Variants in PRKD1 observed in about 807,000 individuals in gnomAD.
PRKD1 encodes protein kinase D1.
A neutral mutation model predicts 95.9 loss-of-function variants in PRKD1; 63 were observed. The ratio of observed to expected loss-of-function variants is 0.66; its 90% CI spans 0.54 to 0.81. The LOEUF is 0.81. Among genes scored for constraint, PRKD1 ranks in the 30% least tolerant of loss-of-function variants. The pLI is 0.00. For synonymous variants in PRKD1, 425 were observed against 423.1 expected, an observed-to-expected ratio of 1.00 and a Z score of -0.05; for missense variants, 1,048 against 1,165.3, an observed-to-expected ratio of 0.90 and a Z score of 1.47.
At chr14:29,793,302 A>T (rs546431509) in intron 1 of PRKD1, among the ~76,000 whole-genome samples, 1 of 152,168 alleles carries the variant, frequency 6.6e-6, no homozygotes, top group Admixed American at 6.5e-5. Flanking sequence ...TGTCCACAGG[A>T]AAAAACAAAA....
chr14:29,883,800 G>C (rs975025779), intron 1 of PRKD1, among the ~76,000 whole-genome samples: 2 of 152,156 alleles, frequency 1.3e-5, no homozygotes, highest in African/African-American at 4.8e-5. Context: ...GTAAAAATGA[G>C]TAAAACGAGA....
intron 1 of PRKD1, among the ~76,000 whole-genome samples, chr14:29,861,434 T>C (rs1240244210): frequency 6.6e-6 from 1 of 152,198 alleles, no homozygotes; most frequent in Non-Finnish European, 1.5e-5. Context: ...TGTGCATATG[T>C]AGTAGATGTA....
chr14:29,927,163 C>T (rs1895332259), intron 1 of PRKD1, 86 bp downstream of exon 1: 4 of 1,302,342 alleles, frequency 3.1e-6, no homozygotes, highest in South Asian at 4.3e-5. Context: ...CCCCGGGAGC[C>T]GGAAAGTTGG....
intron 1 of PRKD1, among the ~76,000 whole-genome samples, chr14:29,842,924 T>C (rs564227665): frequency 6.6e-6 from 1 of 152,162 alleles, no homozygotes; most frequent in Non-Finnish European, 1.5e-5. Context: ...CAAAAGGTCA[T>C]GAAAAAGACA....
At chr14:29,849,076 T>A (rs1049832643) in intron 1 of PRKD1, among the ~76,000 whole-genome samples, 1 of 152,156 alleles carries the variant, frequency 6.6e-6, no homozygotes, top group African/African-American at 2.4e-5. Context: ...CCCACCAAAA[T>A]CTCATGTCAA....
At chr14:29,881,098 G>A (rs1893494852) in intron 1 of PRKD1, among the ~76,000 whole-genome samples, 1 of 152,188 alleles carries the variant, frequency 6.6e-6, no homozygotes, top group Admixed American at 6.5e-5. Flanking sequence ...GTGAGGACAT[G>A]AGATTTGGAG....
intron 1 of PRKD1, among the ~76,000 whole-genome samples, chr14:29,904,861 T>A (rs1320046940): frequency 1.3e-5 from 2 of 152,176 alleles, no homozygotes; most frequent in Admixed American, 1.3e-4. Flanking sequence ...ATCCTAACAC[T>A]CCTATTGTAA....
chr14:29,768,275 C>T (rs1888342461), intron 1 of PRKD1, among the ~76,000 whole-genome samples: 1 of 152,196 alleles, frequency 6.6e-6, no homozygotes. Flanking sequence ...ATTCACCAAA[C>T]ACATAAAGTT....
At chr14:29,741,673 A>G (rs900300998) in intron 1 of PRKD1, among the ~76,000 whole-genome samples, 2 of 152,046 alleles carry the variant, frequency 1.3e-5, no homozygotes, top group Admixed American at 1.3e-4. Context: ...CTTGCCTTCT[A>G]TAACTTCAAT....
intron 1 of PRKD1, among the ~76,000 whole-genome samples, chr14:29,878,404 T>C (rs945742627): frequency 2.0e-5 from 3 of 149,416 alleles, no homozygotes; most frequent in African/African-American, 7.4e-5. Flanking sequence ...ATTCCACTCT[T>C]AGGTATATAC....
At chr14:29,861,055 TA>T (rs1422339858) in intron 1 of PRKD1, among the ~76,000 whole-genome samples, 4 of 152,342 alleles carry the variant, frequency 2.6e-5, no homozygotes, top group Non-Finnish European at 5.9e-5. Context: ...ATATTTGTAT[TA>T]AAAATTATTT....
intron 2 of PRKD1, among the ~76,000 whole-genome samples, chr14:29,669,059 C>T (rs934506047): frequency 2.0e-5 from 3 of 152,050 alleles, no homozygotes; most frequent in African/African-American, 7.3e-5. Flanking sequence ...TTTTATGTAT[C>T]ACTGAAAAAT....
In PRKD1 at chr14:29,673,393, T is replaced by C. The variant is rs116907484; in HGVS notation, c.404-7185A>G. Among the ~76,000 whole-genome samples the C allele has an allele frequency of 1.5e-3, 221 of 152,338 alleles. 1 individual carries two copies. The highest frequency in any genetic ancestry group is 2.5e-3 in the Non-Finnish European group (169 of 68,034). On this transcript the variant is annotated intron_variant, in intron 2 of 17. Coordinates refer to ENST00000331968, the MANE Select transcript of PRKD1 (RefSeq NM_002742.3). ...CGTCTTTCACGTCAATCCCTCCTTC[T>C]GTTTTGCATACATACTTCTCAGGCA... is the stretch of plus-strand genomic sequence containing the variant.
At chr14:29,879,736 GAT>G (rs1190644352) in intron 1 of PRKD1, among the ~76,000 whole-genome samples, 1 of 152,162 alleles carries the variant, frequency 6.6e-6, no homozygotes, top group Non-Finnish European at 1.5e-5. Flanking sequence ...CACTGATAGT[GAT>G]AGGAACAATA....
At position 29,663,550 on chromosome 14, in the gene PRKD1, A is replaced by G. The variant is rs145894861; in HGVS notation, c.696+149T>C. The G allele has an allele frequency of 6.3e-6, 5 of 793,864 alleles. No homozygotes were observed. In the African/African-American group the frequency reaches 8.6e-5, roughly 14 times the overall value. The allele number at this position is 793,864 out of a possible 1,614,324, so 49.2% of individuals were successfully genotyped here. The stretch of plus-strand genomic sequence containing the variant: ...TTGGATATTTGATGAGACACTGACC[A>G]ATCTACAGCACAAGCCCTGAAGAAA... On this transcript the variant is annotated intron_variant, in intron 4 of 17. Transcript: ENST00000331968.
intron 2 of PRKD1, among the ~76,000 whole-genome samples, chr14:29,725,110 C>A (rs999895894): frequency 3.3e-5 from 5 of 152,174 alleles, no homozygotes; most frequent in African/African-American, 1.2e-4. Context: ...AGCTACTGGA[C>A]TTTTGACCTT....
At chr14:29,752,173 T>A (rs980862602) in intron 1 of PRKD1, among the ~76,000 whole-genome samples, 1 of 152,208 alleles carries the variant, frequency 6.6e-6, no homozygotes, top group African/African-American at 2.4e-5. Flanking sequence ...CTATACAGAA[T>A]TTACAATAAA....
At chr14:29,638,259 T>C in intron 6 of PRKD1, 1 of 512,958 alleles carries the variant, frequency 1.9e-6, no homozygotes, top group Non-Finnish European at 3.4e-6. Context: ...ACCCAAGTTT[T>C]CAATACTAGC....
chr14:29,811,597 G>A (rs183567837), intron 1 of PRKD1, among the ~76,000 whole-genome samples: 65 of 152,312 alleles, frequency 4.3e-4, no homozygotes, highest in Non-Finnish European at 6.0e-4. Flanking sequence ...GGGCTCCTGC[G>A]TCAGACCCTG....
Sources: allele counts gnomAD v4.1 joint callset (sites outside exome capture counted in the v4.1 genomes callset), GRCh38; gene constraint gnomAD v4.1.1; transcripts MANE v1.5; gene names NCBI Gene and HGNC (gene_info 2026-07-23, HGNC 2026-07-21).